Variants in RPS6KA5 observed in about 807,000 individuals in gnomAD.
RPS6KA5 encodes the protein ribosomal protein S6 kinase alpha-5.
A neutral mutation model predicts 85.5 loss-of-function variants in RPS6KA5; 27 were observed. The observed-to-expected ratio is 0.32, with a 90% CI of 0.23 to 0.44. The LOEUF is 0.44. Ranked by LOEUF, RPS6KA5 falls within the 20% of genes least tolerant of loss-of-function variation. The probability of loss-of-function intolerance (pLI) is 1.00; values close to 1 mark genes in which losing one functional copy is unlikely to be tolerated. For missense variants in RPS6KA5, 811 were observed against 980.9 expected, an observed-to-expected ratio of 0.83 and a Z score of 2.31; for synonymous variants, 334 against 348.2, an observed-to-expected ratio of 0.96 and a Z score of 0.46.
chr14:91,039,392 G>A (rs1451210414), intron 1 of RPS6KA5, among the ~76,000 whole-genome samples: 1 of 152,166 alleles, frequency 6.6e-6, no homozygotes, highest in African/African-American at 2.4e-5. Flanking sequence ...GAGTGAAATC[G>A]AGAATAAAGA....
At position 90,850,090 on chromosome 14, in the gene RPS6KA5, T is replaced by C. The variant is rs1414094703; in HGVS notation, c.*21984A>G. On this transcript the variant is annotated 3_prime_UTR_variant, in exon 17 of 17. Coordinates refer to ENST00000614987, the MANE Select transcript of RPS6KA5 (RefSeq NM_004755.4). The stretch of plus-strand genomic sequence containing the variant: ...GGAAAGTTTCAGGACACTCTGGCAC[T>C]TTTTTTCTAGTCTGGGAAGGGATCT... The C allele has an allele frequency of 6.6e-6, 1 of 152,174 alleles. No homozygotes were observed. The highest frequency in any genetic ancestry group is 2.4e-5 in the African/African-American group (1 of 41,446). 9.4% of individuals were successfully genotyped at this position (152,174 alleles called of 1,614,324 possible).
At chr14:90,985,068 G>GT (rs2040001864) in intron 2 of RPS6KA5, among the ~76,000 whole-genome samples, 1 of 151,942 alleles carries the variant, frequency 6.6e-6, no homozygotes, top group Non-Finnish European at 1.5e-5. Context: ...AGCTTCCCAA[G>GT]TAGCTGGGAT....
chr14:90,987,058 TG>T (rs1314702470), intron 2 of RPS6KA5, among the ~76,000 whole-genome samples: 1 of 152,224 alleles, frequency 6.6e-6, no homozygotes, highest in Non-Finnish European at 1.5e-5. Context: ...CACCTTCATA[TG>T]GAATCATCTT....
At chr14:91,001,677 A>G (rs559621269) in intron 1 of RPS6KA5, among the ~76,000 whole-genome samples, 1 of 152,316 alleles carries the variant, frequency 6.6e-6, no homozygotes, top group South Asian at 2.1e-4. Context: ...CTCTGAAATG[A>G]AAGTGTTGGT....
At chr14:91,056,818 A>G (rs2043336829) in intron 1 of RPS6KA5, among the ~76,000 whole-genome samples, 1 of 141,320 alleles carries the variant, frequency 7.1e-6, no homozygotes, top group Non-Finnish European at 1.5e-5. Flanking sequence ...ATTCTTTGCT[A>G]ACTTTATACT....
intron 1 of RPS6KA5, among the ~76,000 whole-genome samples, chr14:91,005,060 T>C (rs894746851): frequency 6.6e-6 from 1 of 152,166 alleles, no homozygotes; most frequent in Admixed American, 6.5e-5. Flanking sequence ...TTTCTGGATG[T>C]CCTTTTGAAG....
intron 1 of RPS6KA5, among the ~76,000 whole-genome samples, chr14:91,003,694 T>C (rs2040879047): frequency 1.3e-5 from 2 of 152,206 alleles, no homozygotes; most frequent in African/African-American, 4.8e-5. Context: ...TTTTTATTGC[T>C]TTTCCACCAA....
intron 3 of RPS6KA5, among the ~76,000 whole-genome samples, chr14:90,959,119 A>G (rs183289677): frequency 3.3e-5 from 5 of 152,254 alleles, no homozygotes; most frequent in Non-Finnish European, 7.4e-5. Context: ...AAGCAGTAGG[A>G]GAGTCGAGGT....
At chr14:90,872,728 G>A (rs924075583) in intron 16 of RPS6KA5, among the ~76,000 whole-genome samples, 12 of 152,214 alleles carry the variant, frequency 7.9e-5, no homozygotes, top group East Asian at 7.7e-4. Flanking sequence ...CAGACTTGAC[G>A]CATTCTGAGT....
At chr14:90,960,251 T>G (rs907428484) in intron 3 of RPS6KA5, among the ~76,000 whole-genome samples, 3 of 152,038 alleles carry the variant, frequency 2.0e-5, no homozygotes, top group Non-Finnish European at 4.4e-5. Context: ...TATCAAGAGA[T>G]CTATCAACTC....
intron 1 of RPS6KA5, among the ~76,000 whole-genome samples, chr14:91,031,679 G>T (rs1639646891): frequency 6.6e-6 from 1 of 151,948 alleles, no homozygotes; most frequent in African/African-American, 2.4e-5. Context: ...AAAGACTGGG[G>T]TAATTTAACT....
At chr14:90,997,113 T>C (rs2040559747) in intron 2 of RPS6KA5, among the ~76,000 whole-genome samples, 1 of 152,236 alleles carries the variant, frequency 6.6e-6, no homozygotes, top group South Asian at 2.1e-4. Flanking sequence ...GTTTTAAAAT[T>C]GTTTAACCTA....
At chr14:90,892,297 C>T (rs116190954) in intron 13 of RPS6KA5, among the ~76,000 whole-genome samples, 185 of 152,254 alleles carry the variant, frequency 1.2e-3, no homozygotes, top group African/African-American at 4.2e-3. Context: ...CCACTGCGCT[C>T]GGCCAGTTTC....
At position 90,862,909 on chromosome 14, in the gene RPS6KA5, C is replaced by A. The variant is rs1255870975; in HGVS notation, c.*9165G>T. On this transcript the variant is annotated 3_prime_UTR_variant, in exon 17 of 17. Transcript: ENST00000614987. ...AATTGAAGAATAAAGAAGAAAAATA[C>A]AAGATTATCTCAACAGAGGCAGAAA... 1 of 150,856 alleles carries A rather than the reference C, an allele frequency of 6.6e-6. No homozygotes were observed. The allele number at this position is 150,856 out of a possible 1,614,324, so 9.3% of individuals were successfully genotyped here.
chr14:90,906,954 C>A (rs559069746), intron 7 of RPS6KA5, among the ~76,000 whole-genome samples: 1 of 152,184 alleles, frequency 6.6e-6, no homozygotes, highest in African/African-American at 2.4e-5. Context: ...AGGTAGAGCT[C>A]AGAGATGGAG....
intron 1 of RPS6KA5, among the ~76,000 whole-genome samples, chr14:91,030,525 C>T (rs1171962898): frequency 7.1e-6 from 1 of 139,886 alleles, no homozygotes; most frequent in Non-Finnish European, 1.5e-5. Flanking sequence ...TTCTAACCAG[C>T]ATTTTGGTGT....
At chr14:90,961,689 A>ACAAT (rs1471942401) in intron 3 of RPS6KA5, among the ~76,000 whole-genome samples, 1 of 152,092 alleles carries the variant, frequency 6.6e-6, no homozygotes, top group East Asian at 1.9e-4. Context: ...GCTACAGTAA[A>ACAAT]CAATCAGTTT....
At chr14:91,000,856 T>C (rs958596792) in intron 2 of RPS6KA5, among the ~76,000 whole-genome samples, 5 of 152,140 alleles carry the variant, frequency 3.3e-5, no homozygotes, top group Admixed American at 1.3e-4. Context: ...TGAACTAATT[T>C]ACATTCCCAA....
intron 2 of RPS6KA5, among the ~76,000 whole-genome samples, chr14:90,988,025 T>C (rs923189505): frequency 3.3e-5 from 5 of 152,202 alleles, no homozygotes; most frequent in Non-Finnish European, 5.9e-5. Flanking sequence ...AGTGTCTGCC[T>C]CTTGGTAAAT....
Sources: allele counts gnomAD v4.1 joint callset (sites outside exome capture counted in the v4.1 genomes callset), GRCh38; gene constraint gnomAD v4.1.1; transcripts MANE v1.5; gene names NCBI Gene and HGNC (gene_info 2026-07-23, HGNC 2026-07-21).